MYO16: variants seen among roughly 807,000 people sequenced by gnomAD.
The protein encoded by MYO16 is unconventional myosin-XVI.
In MYO16, 94 loss-of-function variants were observed where a neutral mutation model predicts 205.3. That is an observed-to-expected ratio of 0.46 (90% confidence interval 0.39 to 0.54). The LOEUF (loss-of-function observed/expected upper bound fraction) is 0.54, where lower values mean the gene tolerates loss of function less well. MYO16 is among the 20% of genes least tolerant of loss of function. The pLI, the probability that MYO16 is intolerant of heterozygous loss-of-function variation, is 0.00. For missense variants in MYO16, 2,315 were observed against 2,387.5 expected, an observed-to-expected ratio of 0.97 and a Z score of 0.63; for synonymous variants, 988 against 954.0, an observed-to-expected ratio of 1.04 and a Z score of -0.66.
chr13:108,898,913 T>C (rs67777269), intron 15 of MYO16, among the ~76,000 whole-genome samples: 1 of 152,114 alleles, frequency 6.6e-6, no homozygotes, highest in Non-Finnish European at 1.5e-5. Context: ...TTTAAAAAAC[T>C]TTTACAACAG....
the MYO16 span, among the ~76,000 whole-genome samples, chr13:108,536,564 C>T: frequency 3.2e-3 from 482 of 152,186 alleles, 4 homozygotes; most frequent in African/African-American, 0.011. Context: ...TTAGTTTTCT[C>T]ATCCACATAT....
At position 109,033,383 on chromosome 13, in the gene MYO16, G is replaced by A. The variant is rs145831289; in HGVS notation, c.2796+13472G>A. On this transcript the variant is annotated intron_variant, in intron 23 of 34. Transcript: ENST00000457511. ...CCTTTGCCTCGATCTGTCAGACTTC[G>A]TCGTCCCACATTATTCTCTTTGCTT... is the stretch of plus-strand genomic sequence containing the variant. 2.9e-3 allele frequency among the ~76,000 whole-genome samples: 446 copies of A among 152,196 alleles called. 2 individuals are homozygous for A. Among genetic ancestry groups the A allele is most frequent in the African/African-American group, 0.01 (423 of 41,530 alleles).
chr13:108,523,098 T>C, the MYO16 span, among the ~76,000 whole-genome samples: 4 of 151,904 alleles, frequency 2.6e-5, no homozygotes, highest in African/African-American at 9.7e-5. Context: ...AATGCTGGGG[T>C]GGATGAGGTC....
chr13:108,869,268 C>A (rs1472910070), intron 12 of MYO16, among the ~76,000 whole-genome samples: 2 of 152,074 alleles, frequency 1.3e-5, no homozygotes, highest in East Asian at 3.9e-4. Context: ...TTATTAAGGT[C>A]TTTAAAATGT....
chr13:109,165,067 C>T lies in MYO16; in HGVS notation c.5323+8C>T. The stretch of plus-strand genomic sequence containing the variant: ...GAAATTCCATCTCAAATGGTAAGCA[C>T]TTTTTAAACTCAGAAGTAAATGTAC... On this transcript the variant is annotated splice_region_variant and intron_variant, in intron 33 of 34. Transcript: ENST00000457511. 6.3e-7 allele frequency: 1 copy of T among 1,583,734 alleles called. No individual in the cohort carries two copies. Among genetic ancestry groups the T allele is most frequent in the Non-Finnish European group, 8.6e-7 (1 of 1,166,680 alleles).
intron 4 of MYO16, among the ~76,000 whole-genome samples, chr13:108,763,957 A>C (rs1454801626): frequency 1.3e-5 from 2 of 151,782 alleles, no homozygotes; most frequent in African/African-American, 4.8e-5. Context: ...AAAAGGCTAC[A>C]AAAAAGACCG....
chr13:108,620,189 C>T (rs1023584807), intron 1 of MYO16, among the ~76,000 whole-genome samples: 1 of 152,126 alleles, frequency 6.6e-6, no homozygotes, highest in Non-Finnish European at 1.5e-5. Flanking sequence ...ACATAATAAG[C>T]ACTTTTTAAT....
At chr13:109,016,090 G>A (rs568657590) in intron 22 of MYO16, among the ~76,000 whole-genome samples, 1 of 152,116 alleles carries the variant, frequency 6.6e-6, no homozygotes, top group South Asian at 2.1e-4. Flanking sequence ...GCTTTCTCTT[G>A]TGGGCATTTA....
At chr13:108,555,241 T>TA in the MYO16 span, among the ~76,000 whole-genome samples, 1 of 152,134 alleles carries the variant, frequency 6.6e-6, no homozygotes, top group East Asian at 1.9e-4. Flanking sequence ...TATCTGCCAG[T>TA]GTATATGTGA....
chr13:108,983,945 G>A (rs768216388), intron 20 of MYO16, among the ~76,000 whole-genome samples: 23 of 152,138 alleles, frequency 1.5e-4, no homozygotes, highest in Non-Finnish European at 2.9e-4. Flanking sequence ...TCAGGAAAAG[G>A]CAAAATAGAA....
intron 16 of MYO16, among the ~76,000 whole-genome samples, chr13:108,925,826 A>G (rs1235879485): frequency 6.6e-6 from 1 of 152,204 alleles, no homozygotes; most frequent in African/African-American, 2.4e-5. Flanking sequence ...GCCCCCATGA[A>G]AAGTCATGCC....
Position 109,125,458 on chromosome 13 carries a change from A to G in MYO16, c.3782+100A>G. On this transcript the variant is annotated intron_variant, in intron 30 of 34. Transcript: ENST00000457511. The surrounding 1 kb of genome is among the most constrained non-coding windows in gnomAD (Gnocchi z 4.0). Reference sequence around the variant, plus strand: ...TTAATGCAGAGTTCAATCAAATATGACAGGAGTTGCAGGAACAGGCATGCG... The same window carrying G: ...TTAATGCAGAGTTCAATCAAATATGGCAGGAGTTGCAGGAACAGGCATGCG... 1.3e-5 allele frequency: 19 copies of G among 1,480,392 alleles called. No homozygotes were observed. The South Asian group carries it at 2.5e-4, about 19-fold the overall frequency. The allele number at this position is 1,480,392 out of a possible 1,614,324, so 91.7% of individuals were successfully genotyped here.
At chr13:108,731,347 G>C (rs1298563402) in intron 4 of MYO16, among the ~76,000 whole-genome samples, 1 of 152,178 alleles carries the variant, frequency 6.6e-6, no homozygotes, top group Admixed American at 6.5e-5. Context: ...TTGGAATTCA[G>C]CCTGAAAAAT....
chr13:108,925,084 G>T (rs1284149544), intron 16 of MYO16, among the ~76,000 whole-genome samples: 6 of 152,150 alleles, frequency 3.9e-5, no homozygotes, highest in Admixed American at 3.9e-4. Flanking sequence ...TTTGGATTTT[G>T]CTGAGCATCA....
intron 4 of MYO16, among the ~76,000 whole-genome samples, chr13:108,737,987 C>T (rs894748907): frequency 6.6e-6 from 1 of 152,092 alleles, no homozygotes; most frequent in African/African-American, 2.4e-5. Flanking sequence ...GTGATATCCC[C>T]TTTATAATTT....
intron 34 of MYO16, among the ~76,000 whole-genome samples, chr13:109,194,546 C>A (rs1442490122): frequency 6.6e-6 from 1 of 151,984 alleles, no homozygotes; most frequent in South Asian, 2.1e-4. Flanking sequence ...CTTTAGAAAC[C>A]TTGAGGGGGC....
At chr13:108,852,480 T>G (rs79611523) in intron 10 of MYO16, among the ~76,000 whole-genome samples, 3,114 of 152,316 alleles carry the variant, frequency 0.02, 223 homozygotes, top group East Asian at 0.19. Context: ...AAGTTCTTCA[T>G]CCTTTAAATA....
intron 21 of MYO16, among the ~76,000 whole-genome samples, chr13:108,994,492 T>TA (rs1373806671): frequency 1.6e-4 from 25 of 152,170 alleles, no homozygotes; most frequent in Admixed American, 1.6e-3. Context: ...AATTTGCATG[T>TA]AATTTTTTTT....
chr13:108,553,764 T>C, the MYO16 span, among the ~76,000 whole-genome samples: 2 of 151,212 alleles, frequency 1.3e-5, no homozygotes, highest in African/African-American at 2.4e-5. Flanking sequence ...CCCGATATTT[T>C]AAGAAATCTC....
Sources: allele counts gnomAD v4.1 joint callset (sites outside exome capture counted in the v4.1 genomes callset), GRCh38; gene constraint gnomAD v4.1.1; non-coding constraint Gnocchi (gnomAD v3.1); transcripts MANE v1.5; gene names NCBI Gene and HGNC (gene_info 2026-07-23, HGNC 2026-07-21).